TTC33: variants seen among roughly 807,000 people sequenced by gnomAD.
TTC33 encodes the protein tetratricopeptide repeat domain 33.
Under a neutral mutation model 29.4 loss-of-function variants are expected in TTC33, and 24 were observed. The ratio of observed to expected loss-of-function variants is 0.82; its 90% confidence interval spans 0.59 to 1.15. The LOEUF is 1.15. Among genes scored for constraint, TTC33 ranks in the 50% most tolerant of loss-of-function variants. The pLI, the probability that TTC33 is intolerant of heterozygous loss-of-function variation, is 0.00. For synonymous variants in TTC33, 107 were observed against 100.3 expected (o/e 1.07, Z -0.40); for missense variants, 286 against 310.4 (o/e 0.92, Z 0.59).
intron 2 of TTC33, among the ~76,000 whole-genome samples, chr5:40,741,671 C>G (rs924344728): frequency 1.3e-5 from 2 of 152,102 alleles, no homozygotes; most frequent in African/African-American, 4.8e-5. Flanking sequence ...TGCCCATTCC[C>G]TGGAGACTAC....
At chr5:40,754,229 C>G (rs2111946605) in intron 1 of TTC33, among the ~76,000 whole-genome samples, 1 of 152,290 alleles carries the variant, frequency 6.6e-6, no homozygotes, top group East Asian at 1.9e-4. Flanking sequence ...GAGGTCAGGA[C>G]AGACTGAGGT....
intron 2 of TTC33, among the ~76,000 whole-genome samples, chr5:40,741,469 A>G (rs1742693621): frequency 6.6e-6 from 1 of 152,204 alleles, no homozygotes; most frequent in Non-Finnish European, 1.5e-5. Flanking sequence ...AAATTCCCCA[A>G]TAGTTGCATG....
chr5:40,717,565 C>T (rs1742028917), intron 4 of TTC33, among the ~76,000 whole-genome samples: 1 of 152,188 alleles, frequency 6.6e-6, no homozygotes, highest in Admixed American at 6.5e-5. Flanking sequence ...TCAGCAACAT[C>T]CCTGACCTAC....
At chr5:40,744,306 T>A (rs1266693700) in intron 2 of TTC33, among the ~76,000 whole-genome samples, 1 of 152,166 alleles carries the variant, frequency 6.6e-6, no homozygotes, top group Non-Finnish European at 1.5e-5. Context: ...CACCCTTTAT[T>A]CCCAATTTGA....
chr5:40,746,392 T>TA (rs1252311175), intron 2 of TTC33, among the ~76,000 whole-genome samples: 10 of 152,168 alleles, frequency 6.6e-5, no homozygotes, highest in Non-Finnish European at 1.2e-4. Context: ...TATTTTTTTT[T>TA]ATGTATGTGC....
chr5:40,743,039 C>G (rs1742725277), intron 2 of TTC33, among the ~76,000 whole-genome samples: 1 of 152,126 alleles, frequency 6.6e-6, no homozygotes, highest in African/African-American at 2.4e-5. Context: ...CTGGAGCTTA[C>G]ATTCTTACAA....
chr5:40,720,742 T>TAC (rs982278529), intron 4 of TTC33, among the ~76,000 whole-genome samples: 8 of 152,040 alleles, frequency 5.3e-5, no homozygotes, highest in African/African-American at 1.9e-4. Context: ...TGAATAAGAA[T>TAC]ACACACTCAT....
Position 40,755,949 on chromosome 5 carries a change from G to C in TTC33, c.-127C>G, listed in dbSNP as rs922124999. On this transcript the variant is annotated 5_prime_UTR_variant, in exon 1 of 5. Transcript: ENST00000337702. ...TTTCCCCTCCGCCAATCTCTTCTCC[G>C]GGACCACAAATCCCAGAAGTCACCG... 3 of 152,416 alleles carry C rather than the reference G, an allele frequency of 2.0e-5. No individual in the cohort carries two copies. The highest frequency in any genetic ancestry group is 4.4e-5 in the Non-Finnish European group (3 of 68,130). The allele number at this position is 152,416 out of a possible 1,614,324, so 9.4% of individuals were successfully genotyped here.
intron 1 of TTC33, among the ~76,000 whole-genome samples, chr5:40,747,338 A>G (rs1026854396): frequency 2.0e-5 from 3 of 152,120 alleles, no homozygotes; most frequent in Non-Finnish European, 4.4e-5. Flanking sequence ...GATTACAAGC[A>G]TGAGCCACCA....
chr5:40,712,959 G>A lies in TTC33; in HGVS notation c.*3186C>T, dbSNP rs1283852530. On this transcript the variant is annotated 3_prime_UTR_variant, in exon 5 of 5. Coordinates refer to ENST00000337702, the MANE Select transcript of TTC33 (RefSeq NM_012382.3). ...AAGTGACTAAGGTAAATGACTTTAG[G>A]GATAACCTCCTTTATTTCATTTTAT... 6.6e-6 allele frequency among the ~76,000 whole-genome samples: 1 copy of A among 151,448 alleles called. No homozygotes were observed. The highest frequency in any genetic ancestry group is 1.5e-5 in the Non-Finnish European group (1 of 67,840).
chr5:40,754,130 A>G (rs1742943901), intron 1 of TTC33, among the ~76,000 whole-genome samples: 2 of 152,118 alleles, frequency 1.3e-5, no homozygotes, highest in South Asian at 4.1e-4. Flanking sequence ...GCTCTCAACC[A>G]TATGTGAAAA....
At chr5:40,739,159 C>T (rs7705504) in intron 2 of TTC33, among the ~76,000 whole-genome samples, 47,592 of 152,060 alleles carry the variant, frequency 0.31, 7,834 homozygotes, top group East Asian at 0.56. Context: ...TTCAAAAACA[C>T]AGTTAAGGAC....
At chr5:40,721,992 T>C (rs918128905) in intron 4 of TTC33, among the ~76,000 whole-genome samples, 1 of 152,170 alleles carries the variant, frequency 6.6e-6, no homozygotes, top group African/African-American at 2.4e-5. Flanking sequence ...TGAATAGACA[T>C]TTCTCTAAAT....
At chr5:40,740,759 T>C (rs953988498) in intron 2 of TTC33, among the ~76,000 whole-genome samples, 4 of 152,222 alleles carry the variant, frequency 2.6e-5, no homozygotes, top group African/African-American at 9.6e-5. Context: ...CAAGCATAGC[T>C]CTCCCAGATT....
At chr5:40,748,883 C>A (rs1411088940) in intron 1 of TTC33, among the ~76,000 whole-genome samples, 1 of 152,104 alleles carries the variant, frequency 6.6e-6, no homozygotes, top group African/African-American at 2.4e-5. Flanking sequence ...GTCTGTAATC[C>A]TAGCACTTTG....
intron 1 of TTC33, 117 bp from the exon 2 acceptor site, chr5:40,747,136 G>A (rs970137096): frequency 1.9e-5 from 16 of 847,736 alleles, no homozygotes; most frequent in East Asian, 1.1e-4. Flanking sequence ...TCGGCTCACC[G>A]TAACCTCCGC....
chr5:40,724,453 T>C (rs1742231248), intron 4 of TTC33, among the ~76,000 whole-genome samples: 1 of 151,978 alleles, frequency 6.6e-6, no homozygotes, highest in Non-Finnish European at 1.5e-5. Context: ...GCCAACACGG[T>C]GAAACCCTGT....
chr5:40,718,738 G>GA (rs979996038), intron 4 of TTC33, among the ~76,000 whole-genome samples: 81 of 138,504 alleles, frequency 5.8e-4, no homozygotes, highest in South Asian at 4.5e-4. Flanking sequence ...ATTCCGTCTC[G>GA]AAAAAAAAAA....
chr5:40,754,428 C>T (rs1742948931), intron 1 of TTC33, among the ~76,000 whole-genome samples: 1 of 152,116 alleles, frequency 6.6e-6, no homozygotes, highest in Non-Finnish European at 1.5e-5. Flanking sequence ...CTCCAGCAAA[C>T]AGCGGCTAGT....
Sources: gnomAD v4.1 joint callset for allele counts (sites outside exome capture counted in the v4.1 genomes callset) on GRCh38, gnomAD v4.1.1 for gene constraint, MANE v1.5 for transcripts, NCBI Gene and HGNC (gene_info 2026-07-23, HGNC 2026-07-21) for gene names.